The following SLIT2 variants were observed in gnomAD, a reference collection of about 807,000 sequenced individuals.
The protein encoded by SLIT2 is slit guidance ligand 2.
Under a neutral mutation model 185.7 loss-of-function variants are expected in SLIT2, and 41 were observed. That is an observed-to-expected ratio of 0.22 (90% CI 0.17 to 0.29). The LOEUF is 0.29. Ranked by LOEUF, SLIT2 falls within the 10% of genes least tolerant of loss-of-function variation. The pLI is 1.00. For missense variants in SLIT2, 1,571 were observed against 1,909.0 expected (o/e 0.82, Z 3.30); for synonymous variants, 693 against 680.2 (o/e 1.02, Z -0.29).
chr4:20,553,465 A>C lies in SLIT2; in HGVS notation c.2562-340A>C, dbSNP rs1723959091. Among the ~76,000 whole-genome samples, 3 of 152,178 alleles carry C rather than the reference A, an allele frequency of 2.0e-5. No homozygotes were observed. The South Asian group carries it at 6.2e-4, about 31-fold the overall frequency. On this transcript the variant is annotated intron_variant, in intron 25 of 36. Coordinates refer to ENST00000504154, the MANE Select transcript of SLIT2 (RefSeq NM_004787.4). Reference sequence around the variant, plus strand: ...GCATTGTGACTTAAGTCATCAGTAAATAATTGGTGAATGAAATAGTAATGC... The same window carrying C: ...GCATTGTGACTTAAGTCATCAGTAACTAATTGGTGAATGAAATAGTAATGC...
intron 5 of SLIT2, among the ~76,000 whole-genome samples, chr4:20,479,938 G>A (rs1484504474): frequency 6.6e-6 from 1 of 152,070 alleles, no homozygotes; most frequent in Non-Finnish European, 1.5e-5. Flanking sequence ...TTTCTTAGTG[G>A]CTTTAACCAA....
intron 27 of SLIT2, 60 bp from the exon 28 acceptor site, chr4:20,567,458 G>C: frequency 6.2e-7 from 1 of 1,610,036 alleles, no homozygotes; most frequent in African/African-American, 1.3e-5. Flanking sequence ...TTATTCTACT[G>C]TGCTTTCTGT....
chr4:20,511,587 A>ATTTT lies in SLIT2; in HGVS notation c.1058+463_1058+466dup, dbSNP rs759622666. On this transcript the variant is annotated intron_variant, in intron 11 of 36. Coordinates refer to ENST00000504154, the MANE Select transcript of SLIT2 (RefSeq NM_004787.4). ...AGGCGCCTGCCACCACATCCAGCTA[A>ATTTT]TTTTTTTTTTTTTTTTATTTTTGGT... Among the ~76,000 whole-genome samples the ATTTT allele has an allele frequency of 7.8e-3, 644 of 82,210 alleles. 17 individuals are homozygous for ATTTT. Among genetic ancestry groups the ATTTT allele is most frequent in the Middle Eastern group, 0.015 (2 of 134 alleles). The allele number at this position is 82,210 out of a possible 152,430, so 53.9% of individuals were successfully genotyped here.
rs552851809 is a variant in SLIT2 at position 20,251,996 on chromosome 4, A to AGGCGGCGGCGGC, written c.-1808_-1797dup. Reference sequence around the variant, plus strand: ...CCGCAGACTGTGGTTAAAAAAAAGAAGGCGGCGGCGGCGGCGGCGGCGGAG... The same window carrying AGGCGGCGGCGGC: ...CCGCAGACTGTGGTTAAAAAAAAGAAGGCGGCGGCGGCGGCGGCGGCGGCGGCGGCGGCGGAG... On this transcript the variant is annotated 5_prime_UTR_variant, in exon 1 of 37. Transcript: ENST00000504154. Among the ~76,000 whole-genome samples the AGGCGGCGGCGGC allele has an allele frequency of 2.0e-5, 3 of 151,110 alleles. No individual in the cohort carries two copies. The highest frequency in any genetic ancestry group is 4.8e-5 in the African/African-American group (2 of 41,324).
intron 4 of SLIT2, among the ~76,000 whole-genome samples, chr4:20,294,605 G>A (rs912405309): frequency 1.3e-5 from 2 of 152,114 alleles, no homozygotes; most frequent in Non-Finnish European, 2.9e-5. Flanking sequence ...AGGAAGGAAA[G>A]GAAATTCACA....
chr4:20,293,489 A>G (rs1853386), intron 4 of SLIT2, among the ~76,000 whole-genome samples: 8 of 152,124 alleles, frequency 5.3e-5, no homozygotes, highest in African/African-American at 1.9e-4. Flanking sequence ...ATAAACAGCA[A>G]TGAGAGCTGG....
chr4:20,471,889 G>A (rs552070834), intron 5 of SLIT2, among the ~76,000 whole-genome samples: 1 of 151,908 alleles, frequency 6.6e-6, no homozygotes, highest in African/African-American at 2.4e-5. Context: ...TAACTTTTTT[G>A]CTTCTCTCTA....
chr4:20,619,909 ATTTTTTTT>A lies in SLIT2; in HGVS notation c.*912_*919del, dbSNP rs35468812. ...ACATTTTTCAAACTTAAAAATCAGGATTTTTTTTTTTTTTTTTTTGGCAATAGTACTAA... is the reference window on the plus strand; with the variant it reads ...ACATTTTTCAAACTTAAAAATCAGGATTTTTTTTTTTGGCAATAGTACTAA... On this transcript the variant is annotated 3_prime_UTR_variant, in exon 37 of 37. Coordinates refer to ENST00000504154, the MANE Select transcript of SLIT2 (RefSeq NM_004787.4). The A allele has an allele frequency of 8.0e-6, 1 of 124,702 alleles. No homozygotes were observed. Among genetic ancestry groups the A allele is most frequent in the East Asian group, 2.4e-4 (1 of 4,192 alleles). 7.7% of individuals were successfully genotyped at this position (124,702 alleles called of 1,614,324 possible). A position where few individuals can be genotyped will look rare whatever the true frequency, so the allele number is the denominator to read the frequency against.
chr4:20,457,965 G>T (rs1019546209), intron 4 of SLIT2, among the ~76,000 whole-genome samples: 1 of 151,892 alleles, frequency 6.6e-6, no homozygotes, highest in Non-Finnish European at 1.5e-5. Flanking sequence ...AATGAAACAT[G>T]AGTCAAAGAA....
At chr4:20,286,395 T>A (rs1715269023) in intron 4 of SLIT2, among the ~76,000 whole-genome samples, 1 of 152,170 alleles carries the variant, frequency 6.6e-6, no homozygotes, top group South Asian at 2.1e-4. Flanking sequence ...CACAGTTGGT[T>A]CATCCGTCTT....
chr4:20,345,263 C>G (rs992395406), intron 4 of SLIT2, among the ~76,000 whole-genome samples: 10 of 152,068 alleles, frequency 6.6e-5, no homozygotes, highest in Non-Finnish European at 1.0e-4. Context: ...CAGGTCTTCT[C>G]TCTTTAGTCT....
intron 11 of SLIT2, among the ~76,000 whole-genome samples, chr4:20,519,072 G>A (rs145373571): frequency 6.5e-4 from 99 of 152,172 alleles, no homozygotes; most frequent in African/African-American, 2.3e-3. Flanking sequence ...CATATGAACT[G>A]TGTATGCGTG....
chr4:20,493,746 C>G (rs1717992584), intron 9 of SLIT2, among the ~76,000 whole-genome samples: 1 of 152,142 alleles, frequency 6.6e-6, no homozygotes, highest in African/African-American at 2.4e-5. Context: ...AATTAACACA[C>G]ATAGAGCTAT....
intron 4 of SLIT2, among the ~76,000 whole-genome samples, chr4:20,350,153 G>A (rs531090067): frequency 6.6e-6 from 1 of 152,186 alleles, no homozygotes; most frequent in South Asian, 2.1e-4. Context: ...TTTAAATCTT[G>A]TTCCTTAAAA....
At chr4:20,516,613 T>G (rs1310926898) in intron 11 of SLIT2, among the ~76,000 whole-genome samples, 1 of 152,200 alleles carries the variant, frequency 6.6e-6, no homozygotes, top group Non-Finnish European at 1.5e-5. Flanking sequence ...TCCCTCATTT[T>G]TATAGATTTT....
chr4:20,386,826 T>C (rs1724971723), intron 4 of SLIT2, among the ~76,000 whole-genome samples: 1 of 152,228 alleles, frequency 6.6e-6, no homozygotes, highest in African/African-American at 2.4e-5. Context: ...ATGGTTTTTG[T>C]TCTAACTGGA....
At chr4:20,465,526 G>A (rs1472457317) in intron 4 of SLIT2, among the ~76,000 whole-genome samples, 1 of 152,168 alleles carries the variant, frequency 6.6e-6, no homozygotes, top group African/African-American at 2.4e-5. Flanking sequence ...AGTGTGGCCT[G>A]TGGAGCCATC....
intron 4 of SLIT2, among the ~76,000 whole-genome samples, chr4:20,413,392 C>A (rs1727405608): frequency 6.6e-6 from 1 of 151,946 alleles, no homozygotes; most frequent in Admixed American, 6.6e-5. Flanking sequence ...GTTCCAGGTG[C>A]ATATGGAATT....
intron 4 of SLIT2, among the ~76,000 whole-genome samples, chr4:20,311,787 T>G (rs1024748958): frequency 6.6e-6 from 1 of 152,234 alleles, no homozygotes; most frequent in Non-Finnish European, 1.5e-5. Context: ...ATATACTCTA[T>G]TAAGCCACTA....
Sources: gnomAD v4.1 joint callset for allele counts (sites outside exome capture counted in the v4.1 genomes callset) on GRCh38, gnomAD v4.1.1 for gene constraint, MANE v1.5 for transcripts, NCBI Gene and HGNC (gene_info 2026-07-23, HGNC 2026-07-21) for gene names.